The following ZPBP variants were observed in gnomAD, a reference collection of about 807,000 sequenced individuals.
ZPBP encodes zona pellucida binding protein.
In ZPBP, 26 loss-of-function variants were observed where a neutral mutation model predicts 44.8. The ratio of observed to expected loss-of-function variants is 0.58; its 90% CI spans 0.43 to 0.81. The LOEUF is 0.81. Among genes scored for constraint, ZPBP ranks in the 30% least tolerant of loss-of-function variants. ZPBP has a pLI of 0.00. For synonymous variants in ZPBP, 174 were observed against 153.2 expected (o/e 1.14, Z -1.00); for missense variants, 409 against 434.0 (o/e 0.94, Z 0.51).
intron 1 of ZPBP, among the ~76,000 whole-genome samples, chr7:49,907,623 T>C (rs1023059716): frequency 3.9e-5 from 6 of 152,122 alleles, no homozygotes; most frequent in South Asian, 2.1e-4. Context: ...CCCAAGGTGA[T>C]TGGGACACAG....
chr7:49,974,331 T>G (rs1006274496), intron 7 of ZPBP, among the ~76,000 whole-genome samples: 1 of 152,128 alleles, frequency 6.6e-6, no homozygotes, highest in Non-Finnish European at 1.5e-5. Flanking sequence ...AAGTAGAGCT[T>G]CTGGGAGACA....
chr7:50,082,987 C>T (rs1048655171), intron 2 of ZPBP, among the ~76,000 whole-genome samples: 2 of 151,814 alleles, frequency 1.3e-5, no homozygotes, highest in African/African-American at 4.8e-5. Context: ...TCTTTTCACA[C>T]CCTCTGCCCT....
intron 6 of ZPBP, among the ~76,000 whole-genome samples, chr7:50,009,174 T>C (rs926870263): frequency 2.7e-5 from 4 of 149,280 alleles, no homozygotes; most frequent in Admixed American, 1.3e-4. Flanking sequence ...TAGGTGGAGG[T>C]TGCAGTGAGC....
chr7:50,062,220 A>G (rs1382197129), intron 3 of ZPBP, among the ~76,000 whole-genome samples: 2 of 152,210 alleles, frequency 1.3e-5, no homozygotes, highest in Non-Finnish European at 2.9e-5. Context: ...GGGTAGAAAG[A>G]ATCAATATTG....
rs532640098 is a variant in ZPBP, at chr7:49,894,440, A to G, written n.509+6678T>C. 1.0e-3 allele frequency among the ~76,000 whole-genome samples: 156 copies of G among 152,358 alleles called. 1 individual carries two copies. The highest frequency in any genetic ancestry group is 3.5e-3 in the African/African-American group (145 of 41,584). ...GAGCCACTGCACCTGATCCTTGTTC[A>G]TCAACACAGTCTTCCTATGGCTTAC... is the stretch of plus-strand genomic sequence containing the variant. On this transcript the variant is annotated intron_variant and non_coding_transcript_variant, in intron 2 of 2. Transcript: ENST00000465922.
downstream of ZPBP, among the ~76,000 whole-genome samples, chr7:49,847,226 AATATAATAT>A: frequency 6.8e-6 from 1 of 147,578 alleles, no homozygotes; most frequent in East Asian, 1.9e-4. Flanking sequence ...AATATAATAT[AATATAATAT>A]ATATAATATA....
At chr7:49,925,046 G>C (rs1195685369) in intron 1 of ZPBP, among the ~76,000 whole-genome samples, 2 of 152,204 alleles carry the variant, frequency 1.3e-5, no homozygotes, top group Non-Finnish European at 2.9e-5. Flanking sequence ...GCAGGAGCTG[G>C]CCTCTTCATC....
In ZPBP at chr7:49,937,554, C is replaced by A. The variant is rs1010153661; in HGVS notation, c.1030G>T (p.Val344Leu). The A allele has an allele frequency of 6.2e-7, 1 of 1,613,678 alleles. No homozygotes were observed. Among genetic ancestry groups the A allele is most frequent in the African/African-American group, 1.3e-5 (1 of 74,868 alleles). The change falls in exon 8 of 8, where the codon GTG becomes TTG. Residue 344 changes from valine to leucine, a missense_variant. Val to Leu is a conservative substitution (Grantham distance 32). Transcript: ENST00000046087. ...TATAAGCACGTTTTTGCTCCATACACCAGGCTGCTATTGCATTGAAGGCAA... is the reference window on the plus strand; with the variant it reads ...TATAAGCACGTTTTTGCTCCATACAACAGGCTGCTATTGCATTGAAGGCAA... ...IHCLQCNSSL[V>L]YGAKTCL
chr7:49,893,236 G>A (rs1200595314), intron 2 of ZPBP, among the ~76,000 whole-genome samples: 1 of 152,148 alleles, frequency 6.6e-6, no homozygotes, highest in Non-Finnish European at 1.5e-5. Flanking sequence ...TAATCAAGGA[G>A]TTATGCACTA....
chr7:49,947,847 C>A (rs986804030), intron 7 of ZPBP, among the ~76,000 whole-genome samples: 1 of 152,204 alleles, frequency 6.6e-6, no homozygotes, highest in Non-Finnish European at 1.5e-5. Flanking sequence ...CATCTGGGAA[C>A]CAAGGACTGG....
chr7:49,978,807 T>G lies in ZPBP; in HGVS notation c.961+4535A>C, dbSNP rs1796643742. 2.0e-5 allele frequency among the ~76,000 whole-genome samples: 3 copies of G among 152,160 alleles called. No individual in the cohort carries two copies. The South Asian group carries it at 6.2e-4, about 32-fold the overall frequency. ...AATCATTTTCTATTCAGAGAATTAT[T>G]TAAGTATCTTTTTGAGTAGTTATAT... On this transcript the variant is annotated intron_variant, in intron 7 of 7. Coordinates refer to ENST00000046087, the MANE Select transcript of ZPBP (RefSeq NM_007009.3).
chr7:49,884,360 C>A (rs986202841), intron 2 of ZPBP, among the ~76,000 whole-genome samples: 1 of 152,186 alleles, frequency 6.6e-6, no homozygotes, highest in Non-Finnish European at 1.5e-5. Flanking sequence ...AGGCTTTAAC[C>A]GGGTGCTACA....
intron 7 of ZPBP, among the ~76,000 whole-genome samples, chr7:49,961,414 T>C (rs1795856467): frequency 6.6e-6 from 1 of 152,066 alleles, no homozygotes; most frequent in Non-Finnish European, 1.5e-5. Context: ...CATATGCAAA[T>C]CTATAATGAC....
At chr7:49,864,340 C>T (rs1790792715) in intron 2 of ZPBP, among the ~76,000 whole-genome samples, 1 of 152,168 alleles carries the variant, frequency 6.6e-6, no homozygotes, top group African/African-American at 2.4e-5. Context: ...TTCCTTCACC[C>T]CTTAACTGGA....
At chr7:49,981,678 T>TCTTG (rs1214234138) in intron 7 of ZPBP, among the ~76,000 whole-genome samples, 710 of 44,040 alleles carry the variant, frequency 0.016, 220 homozygotes, top group African/African-American at 0.095. Context: ...TTATATATTA[T>TCTTG]ATATAATAAT....
chr7:50,048,685 A>G (rs1800516268), intron 4 of ZPBP, among the ~76,000 whole-genome samples: 1 of 152,050 alleles, frequency 6.6e-6, no homozygotes, highest in African/African-American at 2.4e-5. Context: ...CAGGTAAGAC[A>G]GCACGTAGAG....
intron 2 of ZPBP, among the ~76,000 whole-genome samples, chr7:49,883,179 T>G (rs1242547808): frequency 6.6e-6 from 1 of 152,010 alleles, no homozygotes; most frequent in Non-Finnish European, 1.5e-5. Context: ...AGGTTTGAGC[T>G]TGAGGAGAAG....
intron 6 of ZPBP, among the ~76,000 whole-genome samples, chr7:50,012,923 C>T (rs1040753642): frequency 1.3e-5 from 2 of 151,714 alleles, no homozygotes; most frequent in Non-Finnish European, 2.9e-5. Context: ...CTATAATTAA[C>T]AAGTTAATTT....
intron 7 of ZPBP, among the ~76,000 whole-genome samples, chr7:49,947,450 C>T (rs1344466002): frequency 6.6e-6 from 1 of 152,322 alleles, no homozygotes; most frequent in East Asian, 1.9e-4. Flanking sequence ...ACTGTGGCTC[C>T]TGCAGACTTG....
Sources: allele counts gnomAD v4.1 joint callset (sites outside exome capture counted in the v4.1 genomes callset), GRCh38; gene constraint gnomAD v4.1.1; transcripts MANE v1.5; gene names NCBI Gene and HGNC (gene_info 2026-07-23, HGNC 2026-07-21).